Variants in KCNIP4 observed in about 807,000 individuals in gnomAD.
The protein encoded by KCNIP4 is potassium voltage-gated channel interacting protein 4.
KCNIP4 carries 12 observed loss-of-function variants against 34.0 expected under a neutral mutation model. The observed-to-expected ratio is 0.35, with a 90% CI of 0.23 to 0.57. The LOEUF is 0.57. Among genes scored for constraint, KCNIP4 ranks in the 20% least tolerant of loss-of-function variants. KCNIP4 has a pLI of 0.83. For synonymous variants in KCNIP4, 124 were observed against 102.2 expected (o/e 1.21, Z -1.29); for missense variants, 238 against 311.7 (o/e 0.76, Z 1.78).
intron 1 of KCNIP4, among the ~76,000 whole-genome samples, chr4:21,358,694 GA>G (rs1490569932): frequency 6.6e-6 from 1 of 152,098 alleles, no homozygotes; most frequent in Non-Finnish European, 1.5e-5. Context: ...AAGCTAAAGG[GA>G]AAAGTCAAGC....
intron 1 of KCNIP4, among the ~76,000 whole-genome samples, chr4:21,825,502 G>A (rs970982440): frequency 1.3e-5 from 2 of 152,032 alleles, no homozygotes; most frequent in Non-Finnish European, 1.5e-5. Context: ...AGATCATCAG[G>A]CTGCTTGTAT....
At chr4:20,736,255 A>C (rs1215050894) in intron 5 of KCNIP4, among the ~76,000 whole-genome samples, 2 of 152,188 alleles carry the variant, frequency 1.3e-5, no homozygotes, top group African/African-American at 4.8e-5. Context: ...TTTCCACTTA[A>C]GCATAAATCA....
chr4:21,706,644 A>G (rs941093360), intron 1 of KCNIP4, among the ~76,000 whole-genome samples: 2 of 152,152 alleles, frequency 1.3e-5, no homozygotes, highest in Admixed American at 6.6e-5. Context: ...AAGGGAAGAA[A>G]GTTGGCTTCT....
At chr4:21,431,378 G>A (rs1442662188) in intron 1 of KCNIP4, among the ~76,000 whole-genome samples, 4 of 151,990 alleles carry the variant, frequency 2.6e-5, no homozygotes, top group African/African-American at 4.8e-5. Flanking sequence ...AAGGGCATAA[G>A]CAAAATAATT....
At chr4:21,568,334 G>T (rs1740081757) in intron 1 of KCNIP4, among the ~76,000 whole-genome samples, 1 of 152,110 alleles carries the variant, frequency 6.6e-6, no homozygotes, top group Non-Finnish European at 1.5e-5. Context: ...TTATGAAAAG[G>T]AGATATTTGG....
intron 1 of KCNIP4, among the ~76,000 whole-genome samples, chr4:21,280,885 A>G (rs1239754397): frequency 6.6e-6 from 1 of 152,154 alleles, no homozygotes; most frequent in African/African-American, 2.4e-5. Flanking sequence ...TTTCTTGCGT[A>G]GCAGAGACTC....
At chr4:21,470,138 G>A (rs1730336023) in intron 1 of KCNIP4, among the ~76,000 whole-genome samples, 1 of 152,150 alleles carries the variant, frequency 6.6e-6, no homozygotes, top group Admixed American at 6.5e-5. Flanking sequence ...CAGAGCCAGG[G>A]CCTTGACATC....
chr4:20,739,323 C>A (rs564780228), intron 5 of KCNIP4, among the ~76,000 whole-genome samples: 108 of 152,276 alleles, frequency 7.1e-4, no homozygotes, highest in Non-Finnish European at 1.3e-3. Context: ...AACTGGGAAA[C>A]ACCTCCTAGT....
intron 5 of KCNIP4, among the ~76,000 whole-genome samples, chr4:20,746,628 CTT>C (rs1362950847): frequency 2.0e-5 from 3 of 152,064 alleles, no homozygotes; most frequent in African/African-American, 4.8e-5. Context: ...GACATTATGA[CTT>C]TTTCATTTTT....
At chr4:21,384,499 CTAGAAAG>C (rs1324679417) in intron 1 of KCNIP4, among the ~76,000 whole-genome samples, 1 of 152,090 alleles carries the variant, frequency 6.6e-6, no homozygotes, top group Non-Finnish European at 1.5e-5. Context: ...TGAACCATTC[CTAGAAAG>C]TAGAGACAAA....
intron 1 of KCNIP4, among the ~76,000 whole-genome samples, chr4:20,998,488 T>C (rs1367875985): frequency 2.0e-5 from 3 of 152,204 alleles, no homozygotes; most frequent in African/African-American, 7.2e-5. Context: ...ACACTATTGA[T>C]TACCTATAAG....
intron 1 of KCNIP4, among the ~76,000 whole-genome samples, chr4:20,968,075 A>G (rs1035878623): frequency 2.0e-5 from 3 of 152,214 alleles, no homozygotes; most frequent in African/African-American, 7.2e-5. Flanking sequence ...AACTTAAAAA[A>G]ATTTACAAGA....
At chr4:21,564,605 G>A (rs1186930694) in intron 1 of KCNIP4, among the ~76,000 whole-genome samples, 1 of 152,080 alleles carries the variant, frequency 6.6e-6, no homozygotes, top group African/African-American at 2.4e-5. Context: ...GAGAAAATTT[G>A]TAATTCCGTG....
chr4:21,929,286 G>A (rs567106486), intron 1 of KCNIP4, among the ~76,000 whole-genome samples: 2 of 152,158 alleles, frequency 1.3e-5, no homozygotes, highest in East Asian at 3.9e-4. Flanking sequence ...TAATAAATAT[G>A]TCAACTTTAT....
chr4:21,270,986 C>A (rs6820122), intron 1 of KCNIP4, among the ~76,000 whole-genome samples: 54,754 of 110,856 alleles, frequency 0.49, 11,468 homozygotes, highest in African/African-American at 0.66. Context: ...TCCCTGTCCC[C>A]AAAAAAAAAA....
chr4:20,815,810 C>G (rs890590812), intron 3 of KCNIP4, among the ~76,000 whole-genome samples: 1 of 152,184 alleles, frequency 6.6e-6, no homozygotes, highest in Non-Finnish European at 1.5e-5. Context: ...GTATTTTCAG[C>G]TAGTCATCAT....
intron 1 of KCNIP4, among the ~76,000 whole-genome samples, chr4:21,834,553 C>G (rs1477553802): frequency 1.3e-5 from 2 of 152,176 alleles, no homozygotes; most frequent in Non-Finnish European, 2.9e-5. Flanking sequence ...GACAATTTGA[C>G]TTCCTCTTTT....
intron 1 of KCNIP4, among the ~76,000 whole-genome samples, chr4:21,022,461 C>T (rs1431632681): frequency 2.6e-5 from 4 of 152,136 alleles, no homozygotes; most frequent in Non-Finnish European, 5.9e-5. Flanking sequence ...CCAGGGGTGG[C>T]GGGTTAATAC....
intron 1 of KCNIP4, among the ~76,000 whole-genome samples, chr4:21,354,009 A>G (rs1229875794): frequency 6.6e-6 from 1 of 152,206 alleles, no homozygotes; most frequent in Non-Finnish European, 1.5e-5. Flanking sequence ...TTCTTAAAGA[A>G]AACAATTTTC....
Sources: allele counts gnomAD v4.1 joint callset (sites outside exome capture counted in the v4.1 genomes callset), GRCh38; gene constraint gnomAD v4.1.1; transcripts MANE v1.5; gene names NCBI Gene and HGNC (gene_info 2026-07-23, HGNC 2026-07-21).